Variants in PDGFD observed in about 807,000 individuals in gnomAD.
The protein encoded by PDGFD is platelet-derived growth factor D.
Under a neutral mutation model 44.7 loss-of-function variants are expected in PDGFD, and 30 were observed. The observed-to-expected ratio is 0.67, with a 90% CI of 0.50 to 0.91. PDGFD has a LOEUF of 0.91. PDGFD is among the 40% of genes least tolerant of loss of function. The pLI, the probability that PDGFD is intolerant of heterozygous loss-of-function variation, is 0.00. For missense variants in PDGFD, 445 were observed against 457.8 expected, an observed-to-expected ratio of 0.97 and a Z score of 0.25; for synonymous variants, 173 against 168.4, an observed-to-expected ratio of 1.03 and a Z score of -0.21.
chr11:104,136,840 A>G (rs1015793624), intron 1 of PDGFD, among the ~76,000 whole-genome samples: 17 of 152,242 alleles, frequency 1.1e-4, no homozygotes, highest in Non-Finnish European at 2.9e-5. Context: ...CTGCTAGACT[A>G]GATGCTTTTA....
chr11:104,069,828 C>G (rs2134420223), intron 1 of PDGFD, among the ~76,000 whole-genome samples: 1 of 151,954 alleles, frequency 6.6e-6, no homozygotes, highest in Middle Eastern at 3.4e-3. Flanking sequence ...CCACTGCACT[C>G]CAGCCTGGGT....
chr11:104,045,202 C>T (rs937844048), intron 1 of PDGFD, among the ~76,000 whole-genome samples: 4 of 152,048 alleles, frequency 2.6e-5, no homozygotes, highest in African/African-American at 9.6e-5. Context: ...TGAAAATAGG[C>T]CTGAATGATC....
intron 5 of PDGFD, among the ~76,000 whole-genome samples, chr11:103,937,545 TG>T (rs1291605885): frequency 3.3e-5 from 5 of 152,172 alleles, no homozygotes; most frequent in African/African-American, 9.6e-5. Flanking sequence ...TGTTTTGTTT[TG>T]TTTTTTTAAT....
chr11:104,078,413 T>C (rs1860998463), intron 1 of PDGFD, among the ~76,000 whole-genome samples: 1 of 152,174 alleles, frequency 6.6e-6, no homozygotes, highest in South Asian at 2.1e-4. Context: ...GATTTATCCT[T>C]TTCTACTGCA....
At chr11:104,025,054 G>C (rs1474490425) in intron 1 of PDGFD, among the ~76,000 whole-genome samples, 1 of 152,210 alleles carries the variant, frequency 6.6e-6, no homozygotes, top group African/African-American at 2.4e-5. Context: ...CTTTTGCACA[G>C]AACTAAAAGT....
chr11:103,996,161 T>C lies in PDGFD; in HGVS notation c.414A>G (p.Pro138=), dbSNP rs1437072955. The C allele has an allele frequency of 9.9e-6, 16 of 1,613,614 alleles. No homozygotes were observed. Among genetic ancestry groups the C allele is most frequent in the South Asian group, 6.6e-5 (6 of 91,058 alleles). ...GRWCGHKEVP[P]RIKSRTNQIK... Reference sequence around the variant, plus strand: ...TTTGGTTCGTTCTTGATTTTATCCTTGGAGGAACTTCCTTGTGTCCACACC... The same window carrying C: ...TTTGGTTCGTTCTTGATTTTATCCTCGGAGGAACTTCCTTGTGTCCACACC... The change falls in exon 3 of 7, where the codon CCA becomes CCG. Residue 138 remains proline, a synonymous_variant. Transcript: ENST00000393158.
At chr11:104,048,596 T>A (rs1270598550) in intron 1 of PDGFD, among the ~76,000 whole-genome samples, 2 of 152,268 alleles carry the variant, frequency 1.3e-5, no homozygotes, top group Middle Eastern at 3.4e-3. Context: ...ATATTCTAAG[T>A]CACCTCTTTT....
chr11:104,000,033 AT>A lies in PDGFD; in HGVS notation c.329+17del, dbSNP rs3839944. The A allele has an allele frequency of 0.18, 295,405 of 1,602,870 alleles. 27,976 individuals carry two copies. Among genetic ancestry groups the A allele is most frequent in the Middle Eastern group, 0.22 (1,327 of 5,968 alleles). ...TTCACCTTGAAATAGTACCGTAAAA[AT>A]TTTTTTCCCAACTTACCTACAGATA... is the stretch of plus-strand genomic sequence containing the variant. On this transcript the variant is annotated intron_variant, in intron 2 of 6. Transcript: ENST00000393158.
chr11:104,044,209 C>T (rs1392044642), intron 1 of PDGFD, among the ~76,000 whole-genome samples: 2 of 152,200 alleles, frequency 1.3e-5, no homozygotes. Flanking sequence ...CCTAAAATTA[C>T]TACCAAAAAT....
At chr11:103,961,794 C>T (rs1858939895) in intron 3 of PDGFD, among the ~76,000 whole-genome samples, 1 of 152,150 alleles carries the variant, frequency 6.6e-6, no homozygotes, top group South Asian at 2.1e-4. Flanking sequence ...ATCCTGATCA[C>T]CCTTTTCCTA....
intron 1 of PDGFD, among the ~76,000 whole-genome samples, chr11:104,059,624 A>G (rs896791060): frequency 1.3e-5 from 2 of 152,154 alleles, no homozygotes; most frequent in African/African-American, 4.8e-5. Flanking sequence ...AGCATTTCTC[A>G]GGTGCCTTTT....
At chr11:103,973,017 A>T (rs575508141) in intron 3 of PDGFD, among the ~76,000 whole-genome samples, 1 of 152,342 alleles carries the variant, frequency 6.6e-6, no homozygotes, top group African/African-American at 2.4e-5. Context: ...TACAGAAATG[A>T]GTAATACAGG....
intron 1 of PDGFD, among the ~76,000 whole-genome samples, chr11:104,004,572 C>T (rs1005758357): frequency 1.3e-5 from 2 of 152,148 alleles, no homozygotes; most frequent in Non-Finnish European, 2.9e-5. Flanking sequence ...TGACTATATT[C>T]GTTTTCAATT....
At chr11:104,037,744 C>T in intron 1 of PDGFD, 1 of 1,614,098 alleles carries the variant, frequency 6.2e-7, no homozygotes, top group South Asian at 1.1e-5. Flanking sequence ...AGCTCAGATT[C>T]AAATTGAAGG....
chr11:104,072,380 A>G (rs1161366286), intron 1 of PDGFD, among the ~76,000 whole-genome samples: 1 of 151,708 alleles, frequency 6.6e-6, no homozygotes, highest in Non-Finnish European at 1.5e-5. Flanking sequence ...CTGTTATTAT[A>G]CTGTCTAGGT....
chr11:104,013,470 C>A (rs751908041), intron 1 of PDGFD, among the ~76,000 whole-genome samples: 1 of 152,118 alleles, frequency 6.6e-6, no homozygotes, highest in Non-Finnish European at 1.5e-5. Flanking sequence ...GCACTCAACC[C>A]AGCCTGGCAC....
intron 4 of PDGFD, among the ~76,000 whole-genome samples, chr11:103,946,769 CT>C (rs1858673503): frequency 6.6e-6 from 1 of 152,196 alleles, no homozygotes; most frequent in South Asian, 2.1e-4. Flanking sequence ...TCTCTCCAAT[CT>C]TTTGATCAGA....
At chr11:103,971,554 ACTAT>A (rs1859102102) in intron 3 of PDGFD, among the ~76,000 whole-genome samples, 1 of 151,760 alleles carries the variant, frequency 6.6e-6, no homozygotes, top group African/African-American at 2.4e-5. Flanking sequence ...ACAGAGAAGA[ACTAT>A]CTGAGATTTT....
chr11:103,995,642 C>T (rs1194753924), intron 3 of PDGFD, among the ~76,000 whole-genome samples: 1 of 152,170 alleles, frequency 6.6e-6, no homozygotes, highest in African/African-American at 2.4e-5. Context: ...TTATAATCAT[C>T]AGGACTTTCT....
Sources: gnomAD v4.1 joint callset for allele counts (sites outside exome capture counted in the v4.1 genomes callset) on GRCh38, gnomAD v4.1.1 for gene constraint, MANE v1.5 for transcripts, NCBI Gene and HGNC (gene_info 2026-07-23, HGNC 2026-07-21) for gene names.